The following ARID5B variants were observed in gnomAD, a reference collection of about 807,000 sequenced individuals.
The protein encoded by ARID5B is AT-rich interactive domain-containing protein 5B.
A neutral mutation model predicts 97.2 loss-of-function variants in ARID5B; 13 were observed. That is an observed-to-expected ratio of 0.13 (90% CI 0.09 to 0.21). The LOEUF (loss-of-function observed/expected upper bound fraction) is 0.21. Ranked by LOEUF, ARID5B falls within the 10% of genes least tolerant of loss-of-function variation. The pLI is 1.00. For synonymous variants in ARID5B, 556 were observed against 570.3 expected (o/e 0.97, Z 0.36); for missense variants, 1,210 against 1,465.3 (o/e 0.83, Z 2.84).
At chr10:62,030,410 C>T (rs1839481768) in intron 4 of ARID5B, among the ~76,000 whole-genome samples, 1 of 152,114 alleles carries the variant, frequency 6.6e-6, no homozygotes, top group African/African-American at 2.4e-5. Flanking sequence ...GGATTACAGG[C>T]GTGAGCCACC....
chr10:61,977,963 G>A (rs577719905), intron 3 of ARID5B, among the ~76,000 whole-genome samples: 13 of 152,258 alleles, frequency 8.5e-5, no homozygotes, highest in African/African-American at 3.1e-4. Context: ...GTATTGCCTA[G>A]GTTTTCTTCT....
At chr10:62,051,077 T>TCCAAGACACAGGCACAGA in intron 5 of ARID5B, 77 bp downstream of exon 5, 4 of 1,231,134 alleles carry the variant, frequency 3.2e-6, no homozygotes, top group Non-Finnish European at 4.7e-6. Flanking sequence ...TCTCTGTGCC[T>TCCAAGACACAGGCACAGA]GTGTCTTGGA....
chr10:62,049,325 A>C, intron 4 of ARID5B: 1 of 1,499,452 alleles, frequency 6.7e-7, no homozygotes. Context: ...GGGGGAGGGG[A>C]GTTGTAAGCA....
chr10:62,050,203 A>G (rs938240698), intron 4 of ARID5B, among the ~76,000 whole-genome samples: 5 of 152,224 alleles, frequency 3.3e-5, no homozygotes, highest in Non-Finnish European at 5.9e-5. Context: ...TGGATGTTAT[A>G]TTAAATAAGC....
chr10:61,943,060 C>A (rs1397675096), intron 3 of ARID5B, among the ~76,000 whole-genome samples: 3 of 152,034 alleles, frequency 2.0e-5, no homozygotes, highest in Non-Finnish European at 4.4e-5. Flanking sequence ...GAATTTGAGA[C>A]AAATAGCTTT....
At chr10:61,932,290 G>C (rs1366671671) in intron 2 of ARID5B, among the ~76,000 whole-genome samples, 2 of 152,148 alleles carry the variant, frequency 1.3e-5, no homozygotes, top group Admixed American at 6.5e-5. Context: ...TCCGCAAGTT[G>C]TAATTTTTTT....
chr10:61,980,245 A>C (rs1213565014), intron 3 of ARID5B, among the ~76,000 whole-genome samples: 1 of 152,248 alleles, frequency 6.6e-6, no homozygotes, highest in Non-Finnish European at 1.5e-5. Flanking sequence ...AGCCACAGGC[A>C]GTGCTGTCTT....
chr10:61,932,365 G>A (rs1465641430), intron 2 of ARID5B, among the ~76,000 whole-genome samples: 7 of 151,952 alleles, frequency 4.6e-5, no homozygotes, highest in Admixed American at 3.3e-4. Context: ...GGTTGCTGAA[G>A]GTTAGGGTGA....
chr10:61,949,651 C>T lies in ARID5B; in HGVS notation c.502+9243C>T, dbSNP rs549471901. 4.6e-5 allele frequency among the ~76,000 whole-genome samples: 7 copies of T among 152,080 alleles called. No individual in the cohort carries two copies. The East Asian group carries it at 9.7e-4, about 21-fold the overall frequency. On this transcript the variant is annotated intron_variant, in intron 3 of 9. Coordinates refer to ENST00000279873, the MANE Select transcript of ARID5B (RefSeq NM_032199.3). ...AAACTTTGTCCACACCACCCCCCCACGCCCCCACAAAAAAAGACCGTGATG... is the reference window on the plus strand; with the variant it reads ...AAACTTTGTCCACACCACCCCCCCATGCCCCCACAAAAAAAGACCGTGATG...
intron 8 of ARID5B, among the ~76,000 whole-genome samples, chr10:62,082,641 G>C (rs1348664690): frequency 2.5e-4 from 38 of 152,092 alleles, no homozygotes. Flanking sequence ...TCTACATAGG[G>C]CAATGTTGAC....
chr10:61,946,824 G>A lies in ARID5B; in HGVS notation c.502+6416G>A, dbSNP rs1838244754. 2.6e-5 allele frequency among the ~76,000 whole-genome samples: 4 copies of A among 152,150 alleles called. No homozygotes were observed. The South Asian group carries it at 8.3e-4, about 32-fold the overall frequency. On this transcript the variant is annotated intron_variant, in intron 3 of 9. Transcript: ENST00000279873. ...TAGTCCGAGCTACTCAGGAGGCTGA[G>A]GCAGGAGAACTGCTTGAACCCAGGA...
At chr10:62,065,527 A>G (rs1182358601) in intron 7 of ARID5B, among the ~76,000 whole-genome samples, 1 of 152,138 alleles carries the variant, frequency 6.6e-6, no homozygotes, top group African/African-American at 2.4e-5. Flanking sequence ...AACTGTGTGG[A>G]TGAATTTGGC....
At chr10:62,019,830 G>C (rs1359853847) in intron 4 of ARID5B, among the ~76,000 whole-genome samples, 1 of 152,174 alleles carries the variant, frequency 6.6e-6, no homozygotes, top group African/African-American at 2.4e-5. Flanking sequence ...CTTTGGCAAA[G>C]GTTTAATTCA....
chr10:62,008,557 C>A (rs1168094626), intron 4 of ARID5B, among the ~76,000 whole-genome samples: 3 of 152,198 alleles, frequency 2.0e-5, no homozygotes. Context: ...CATTCAAAAT[C>A]TGAAACCCAC....
chr10:61,944,018 A>G (rs922372352), intron 3 of ARID5B, among the ~76,000 whole-genome samples: 2 of 152,194 alleles, frequency 1.3e-5, no homozygotes, highest in Non-Finnish European at 2.9e-5. Flanking sequence ...TGGAAAAACT[A>G]ATAATCTTAA....
intron 4 of ARID5B, chr10:62,025,121 A>G (rs1322411700): frequency 6.5e-6 from 1 of 153,296 alleles, no homozygotes; most frequent in African/African-American, 2.4e-5. Context: ...CTATGTACTC[A>G]ATTATAAAGT....
intron 3 of ARID5B, among the ~76,000 whole-genome samples, chr10:61,988,077 T>C (rs1196712600): frequency 6.6e-6 from 1 of 152,232 alleles, no homozygotes; most frequent in Non-Finnish European, 1.5e-5. Flanking sequence ...AAAAAGGAAG[T>C]AAAACAGAGC....
intron 9 of ARID5B, among the ~76,000 whole-genome samples, chr10:62,086,709 A>AAAAAAAAAAAAAAAAAC (rs778821864): frequency 1.8e-5 from 2 of 114,042 alleles, no homozygotes; most frequent in African/African-American, 6.4e-5. Context: ...AAAAAAAAAA[A>AAAAAAAAAAAAAAAAAC]AAATATCAGG....
intron 2 of ARID5B, among the ~76,000 whole-genome samples, chr10:61,925,548 A>G (rs1844089251): frequency 6.6e-6 from 1 of 152,212 alleles, no homozygotes; most frequent in Non-Finnish European, 1.5e-5. Flanking sequence ...TCTTCTTTGC[A>G]TATCAAATGC....
Sources: allele counts gnomAD v4.1 joint callset (sites outside exome capture counted in the v4.1 genomes callset), GRCh38; gene constraint gnomAD v4.1.1; transcripts MANE v1.5; gene names NCBI Gene and HGNC (gene_info 2026-07-23, HGNC 2026-07-21).